The following LPP variants were observed in gnomAD, a reference collection of about 807,000 sequenced individuals.
LPP encodes LIM domain containing preferred translocation partner in lipoma, also known as lipoma-preferred partner.
Under a neutral mutation model 60.4 loss-of-function variants are expected in LPP, and 38 were observed. The observed-to-expected ratio is 0.63, with a 90% CI of 0.49 to 0.83. The LOEUF (loss-of-function observed/expected upper bound fraction) is 0.83. LPP is among the 40% of genes least tolerant of loss of function. LPP has a pLI of 0.00. For synonymous variants in LPP, 328 were observed against 290.8 expected, an observed-to-expected ratio of 1.13 and a Z score of -1.30; for missense variants, 902 against 783.6, an observed-to-expected ratio of 1.15 and a Z score of -1.80.
At chr3:188,431,188 A>G (rs1303477030) in intron 4 of LPP, among the ~76,000 whole-genome samples, 1 of 152,134 alleles carries the variant, frequency 6.6e-6, no homozygotes, top group Non-Finnish European at 1.5e-5. Flanking sequence ...ACATCTGAGA[A>G]ACTGTGCCTA....
chr3:188,352,613 C>T lies in LPP; in HGVS notation c.-10+10894C>T, dbSNP rs1442427647. ...TGTGAGGACAGTGAGGCGCATTATGCGGAGGTGACTTGCTCAAGGCCACAG... is the reference window on the plus strand; with the variant it reads ...TGTGAGGACAGTGAGGCGCATTATGTGGAGGTGACTTGCTCAAGGCCACAG... On this transcript the variant is annotated intron_variant, in intron 3 of 11. Coordinates refer to ENST00000617246, the MANE Select transcript of LPP (RefSeq NM_001375462.1). The surrounding 1 kb of genome is among the most constrained non-coding windows in gnomAD (Gnocchi z 4.4). Among the ~76,000 whole-genome samples, 3 of 152,198 alleles carry T rather than the reference C, an allele frequency of 2.0e-5. No homozygotes were observed. The highest frequency in any genetic ancestry group is 2.1e-4 in the South Asian group (1 of 4,836).
At chr3:188,528,187 C>T (rs1342486678) in intron 6 of LPP, among the ~76,000 whole-genome samples, 1 of 151,930 alleles carries the variant, frequency 6.6e-6, no homozygotes, top group Admixed American at 6.6e-5. Flanking sequence ...GCCACCATGC[C>T]CAGCTAATTT....
intron 2 of LPP, among the ~76,000 whole-genome samples, chr3:188,230,818 C>T (rs1221594918): frequency 6.6e-6 from 1 of 151,658 alleles, no homozygotes; most frequent in Non-Finnish European, 1.5e-5. Flanking sequence ...TATTATCTCA[C>T]AGTTTCTGAA....
chr3:188,866,298 G>C lies in LPP; in HGVS notation c.1509G>C (p.Val503=), dbSNP rs373435708. 5 of 1,592,194 alleles carry C rather than the reference G, an allele frequency of 3.1e-6. No homozygotes were observed. The highest frequency in any genetic ancestry group is 4.3e-6 in the Non-Finnish European group (5 of 1,168,708). Residue 503 remains valine, a synonymous_variant, in exon 10 of 12, where the codon GTG becomes GTC. Transcript: ENST00000617246. ...ATCATCCTCACTGTTTCACCTGCGT[G>C]ATGTGCCACCGCAGCCTGGATGGGA... ...KAYHPHCFTC[V]MCHRSLDGIP...
intron 6 of LPP, among the ~76,000 whole-genome samples, chr3:188,541,999 A>G (rs1294633425): frequency 6.6e-6 from 1 of 152,216 alleles, no homozygotes; most frequent in East Asian, 1.9e-4. Flanking sequence ...GCTAAATCAA[A>G]CTAATAAAAA....
chr3:188,689,633 C>T (rs779646119), intron 7 of LPP, among the ~76,000 whole-genome samples: 10 of 152,076 alleles, frequency 6.6e-5, no homozygotes, highest in South Asian at 4.1e-4. Flanking sequence ...TCATTGTTTT[C>T]GGAGAATTTT....
chr3:188,382,921 C>G (rs1403938880), intron 3 of LPP, among the ~76,000 whole-genome samples: 1 of 152,170 alleles, frequency 6.6e-6, no homozygotes, highest in African/African-American at 2.4e-5. Flanking sequence ...CTTACTCTGT[C>G]CCAGCAATGA....
In LPP at chr3:188,441,609, C is replaced by CTTTCTTTTTTTTTTTTTTT. The variant is rs1793886236; in HGVS notation, c.193+35299_193+35300insCTTTTTTTTTTTTTTTTTT. On this transcript the variant is annotated intron_variant, in intron 4 of 11. Transcript: ENST00000617246. ...ACAGTTTCTTTTTTTCTTTTCTTTT[C>CTTTCTTTTTTTTTTTTTTT]TTTTTTTTTTTTTTTTTTTTTTTTT... Among the ~76,000 whole-genome samples, 9 of 55,656 alleles carry CTTTCTTTTTTTTTTTTTTT rather than the reference C, an allele frequency of 1.6e-4. 1 individual carries two copies. The highest frequency in any genetic ancestry group is 2.4e-4 in the Non-Finnish European group (7 of 29,450). The allele number at this position is 55,656 out of a possible 152,430, so 36.5% of individuals were successfully genotyped here.
chr3:188,578,174 G>C (rs1384032929), intron 6 of LPP, among the ~76,000 whole-genome samples: 1 of 151,916 alleles, frequency 6.6e-6, no homozygotes, highest in Non-Finnish European at 1.5e-5. Flanking sequence ...ACATAAGACT[G>C]GTGGTTGCAG....
chr3:188,863,568 T>C (rs2151966787), intron 9 of LPP, among the ~76,000 whole-genome samples: 1 of 152,274 alleles, frequency 6.6e-6, no homozygotes, highest in East Asian at 1.9e-4. Context: ...AGGCTACTGG[T>C]AGGCCCCACT....
chr3:188,855,306 G>A (rs1005119810), intron 9 of LPP, among the ~76,000 whole-genome samples: 1 of 152,226 alleles, frequency 6.6e-6, no homozygotes, highest in Non-Finnish European at 1.5e-5. Context: ...CTGATTGCCT[G>A]TTATGTCTTA....
At chr3:188,436,999 G>A (rs779933472) in intron 4 of LPP, among the ~76,000 whole-genome samples, 12 of 152,132 alleles carry the variant, frequency 7.9e-5, no homozygotes, top group Admixed American at 7.9e-4. Flanking sequence ...GAGGAAAAGA[G>A]TAAAGACTCT....
At chr3:188,308,849 GTTC>G (rs975642975) in intron 2 of LPP, among the ~76,000 whole-genome samples, 6 of 134,288 alleles carry the variant, frequency 4.5e-5, no homozygotes, top group African/African-American at 1.7e-4. Flanking sequence ...GTTTCTTCTT[GTTC>G]TTCTTGTTCT....
At chr3:188,404,237 G>A (rs1362267587) in intron 3 of LPP, among the ~76,000 whole-genome samples, 4 of 151,766 alleles carry the variant, frequency 2.6e-5, no homozygotes, top group African/African-American at 7.2e-5. Context: ...AAGGAAGACA[G>A]AGGTTTATAT....
intron 2 of LPP, among the ~76,000 whole-genome samples, chr3:188,283,544 TC>T (rs1476474458): frequency 6.6e-6 from 1 of 152,206 alleles, no homozygotes; most frequent in African/African-American, 2.4e-5. Context: ...GACTTGCAGT[TC>T]AGATTCTGCA....
intron 11 of LPP, among the ~76,000 whole-genome samples, chr3:188,873,585 A>ATT (rs11394319): frequency 0.036 from 5,301 of 148,912 alleles, 173 homozygotes; most frequent in Admixed American, 0.079. Context: ...AGTTCTTTGC[A>ATT]TTTTTTTTTT....
At chr3:188,738,665 A>G (rs1391269538) in intron 8 of LPP, among the ~76,000 whole-genome samples, 1 of 152,278 alleles carries the variant, frequency 6.6e-6, no homozygotes, top group Non-Finnish European at 1.5e-5. Context: ...CTTAGTTGCT[A>G]CACCCAGCAA....
chr3:188,811,345 G>T (rs984094685), intron 9 of LPP, among the ~76,000 whole-genome samples: 6 of 124,254 alleles, frequency 4.8e-5, no homozygotes, highest in Admixed American at 4.5e-4. Context: ...ATGATTAAGT[G>T]CTGTATACAC....
chr3:188,526,427 G>T (rs192234126), intron 6 of LPP, among the ~76,000 whole-genome samples: 2,113 of 152,206 alleles, frequency 0.014, 25 homozygotes, highest in South Asian at 0.049. Flanking sequence ...GAGTAGCTGG[G>T]ATTCCAGGTG....
Sources: gnomAD v4.1 joint callset for allele counts (sites outside exome capture counted in the v4.1 genomes callset) on GRCh38, gnomAD v4.1.1 for gene constraint, Gnocchi (gnomAD v3.1) non-coding constraint, MANE v1.5 for transcripts, NCBI Gene and HGNC (gene_info 2026-07-23, HGNC 2026-07-21) for gene names.